The following CSMD3 variants were observed in gnomAD, a reference collection of about 807,000 sequenced individuals.
CSMD3 encodes CUB and Sushi multiple domains 3.
Under a neutral mutation model 435.2 loss-of-function variants are expected in CSMD3, and 177 were observed. That is an observed-to-expected ratio of 0.41 (90% CI 0.36 to 0.46). The LOEUF (loss-of-function observed/expected upper bound fraction) is 0.46. Ranked by LOEUF, CSMD3 falls within the 20% of genes least tolerant of loss-of-function variation. The pLI, the probability that CSMD3 is intolerant of heterozygous loss-of-function variation, is 0.34. For synonymous variants in CSMD3, 1,656 were observed against 1,520.5 expected, an observed-to-expected ratio of 1.09 and a Z score of -2.07; for missense variants, 4,265 against 4,504.6, an observed-to-expected ratio of 0.95 and a Z score of 1.52.
intron 5 of CSMD3, among the ~76,000 whole-genome samples, chr8:113,075,194 G>A (rs768501279): frequency 1.5e-4 from 23 of 151,494 alleles, no homozygotes; most frequent in Admixed American, 4.6e-4. Flanking sequence ...TAGAAATCTC[G>A]TATTAAAAAC....
At chr8:112,646,335 CAT>C (rs1258010829) in intron 19 of CSMD3, among the ~76,000 whole-genome samples, 11 of 152,132 alleles carry the variant, frequency 7.2e-5, no homozygotes, top group Admixed American at 3.3e-4. Context: ...GGACACCAGA[CAT>C]GTGCTCCTGA....
At chr8:112,963,946 G>C (rs2084325999) in intron 7 of CSMD3, among the ~76,000 whole-genome samples, 1 of 151,692 alleles carries the variant, frequency 6.6e-6, no homozygotes, top group Non-Finnish European at 1.5e-5. Context: ...AAATAAATTT[G>C]TTCACATTTA....
At chr8:112,232,589 A>C (rs1813193299) in intron 68 of CSMD3, among the ~76,000 whole-genome samples, 1 of 152,172 alleles carries the variant, frequency 6.6e-6, no homozygotes, top group Admixed American at 6.5e-5. Context: ...AGCCTGGGCA[A>C]CAGAGTGAGA....
Position 112,237,297 on chromosome 8 carries a change from A to G in CSMD3, c.10520T>C (p.Phe3507Ser), listed in dbSNP as rs774419933. Residue 3507 changes from phenylalanine (F) to serine (S), a missense_variant, in exon 67 of 71, where the codon TTC becomes TCC. Around this residue, in one of 3 missense-constraint regions of CSMD3, gnomAD observed 3,255 missense variants for 3,380.2 expected, o/e 0.96. Coordinates refer to ENST00000297405, the MANE Select transcript of CSMD3 (RefSeq NM_198123.2). ...QNYIWKGSYNFKGRKQPMTLT... is the reference protein window; with the variant it reads ...QNYIWKGSYNSKGRKQPMTLT... Reference sequence around the variant, plus strand: ...GGTCATGGGTTGTTTCCTTCCTTTGAAATTGTAAGAGCCTTTCCATATATA... The same window carrying G: ...GGTCATGGGTTGTTTCCTTCCTTTGGAATTGTAAGAGCCTTTCCATATATA... The G allele has an allele frequency of 5.0e-6, 8 of 1,613,180 alleles. No individual in the cohort carries two copies. The East Asian group carries it at 1.6e-4, about 32-fold the overall frequency.
chr8:112,560,275 A>C (rs2131244144), intron 24 of CSMD3, among the ~76,000 whole-genome samples: 1 of 151,780 alleles, frequency 6.6e-6, no homozygotes, highest in East Asian at 1.9e-4. Flanking sequence ...TCCTCTGTTA[A>C]ATCATAGAAT....
chr8:112,529,463 T>C (rs1042112782), intron 27 of CSMD3, among the ~76,000 whole-genome samples: 5 of 152,104 alleles, frequency 3.3e-5, no homozygotes, highest in African/African-American at 1.2e-4. Context: ...GGTGCATGTC[T>C]GTAGTCTCAG....
chr8:113,038,632 C>T (rs1219373341), intron 5 of CSMD3, among the ~76,000 whole-genome samples: 1 of 152,150 alleles, frequency 6.6e-6, no homozygotes, highest in East Asian at 1.9e-4. Context: ...TGAGTGTGTG[C>T]TTTCTGGCAG....
chr8:112,678,998 G>GAAAAAAAAAATATAGACTGTCT (rs1188274511), intron 16 of CSMD3, among the ~76,000 whole-genome samples: 1 of 150,894 alleles, frequency 6.6e-6, no homozygotes, highest in African/African-American at 2.4e-5. Context: ...GAAAAAAGGA[G>GAAAAAAAAAATATAGACTGTCT]ACAGGAGGAG....
chr8:112,350,891 A>C (rs966324071), intron 40 of CSMD3, among the ~76,000 whole-genome samples: 4 of 152,100 alleles, frequency 2.6e-5, no homozygotes, highest in Non-Finnish European at 5.9e-5. Context: ...AAACTCTCTA[A>C]GAATTTTTTT....
intron 6 of CSMD3, among the ~76,000 whole-genome samples, chr8:112,980,302 TA>T (rs1346563665): frequency 2.0e-5 from 3 of 151,034 alleles, no homozygotes; most frequent in African/African-American, 7.2e-5. Context: ...CATGTAAAAA[TA>T]ACTACATATT....
intron 27 of CSMD3, among the ~76,000 whole-genome samples, chr8:112,543,234 C>T (rs1043988530): frequency 3.3e-5 from 5 of 151,876 alleles, no homozygotes; most frequent in East Asian, 1.9e-4. Context: ...GCATAGGTGA[C>T]GAAAGCAAAA....
chr8:113,157,430 A>T (rs1475125725), intron 4 of CSMD3, among the ~76,000 whole-genome samples: 2 of 133,142 alleles, frequency 1.5e-5, no homozygotes, highest in Non-Finnish European at 3.6e-5. Flanking sequence ...AAATCTCATA[A>T]CAGTCTCCTT....
intron 10 of CSMD3, among the ~76,000 whole-genome samples, chr8:112,904,824 T>A (rs1259724486): frequency 1.3e-5 from 2 of 151,200 alleles, no homozygotes; most frequent in Non-Finnish European, 3.0e-5. Flanking sequence ...ACATTAAAGA[T>A]TTGGGACAAG....
At chr8:113,370,524 T>C (rs1376775258) in intron 1 of CSMD3, among the ~76,000 whole-genome samples, 1 of 151,900 alleles carries the variant, frequency 6.6e-6, no homozygotes, top group East Asian at 1.9e-4. Context: ...ATTGAATGCA[T>C]GTATAAATTT....
chr8:113,195,699 TAG>T (rs1478775318), intron 3 of CSMD3, among the ~76,000 whole-genome samples: 1 of 149,360 alleles, frequency 6.7e-6, no homozygotes, highest in Non-Finnish European at 1.5e-5. Flanking sequence ...CATAAATATA[TAG>T]ATAGGTATTT....
At chr8:113,038,352 C>T (rs1286047950) in intron 5 of CSMD3, among the ~76,000 whole-genome samples, 1 of 151,962 alleles carries the variant, frequency 6.6e-6, no homozygotes, top group Non-Finnish European at 1.5e-5. Flanking sequence ...AGCTAAGAAA[C>T]CATTCATTGA....
chr8:112,562,453 A>G (rs1001627221), intron 24 of CSMD3, among the ~76,000 whole-genome samples: 1 of 151,598 alleles, frequency 6.6e-6, no homozygotes. Flanking sequence ...GTCAATGAAG[A>G]TATGTTAGTT....
chr8:112,321,523 T>C (rs1203489099), intron 45 of CSMD3, among the ~76,000 whole-genome samples: 1 of 152,112 alleles, frequency 6.6e-6, no homozygotes. Context: ...GAACAAAAAC[T>C]TGTGCAAAGC....
intron 10 of CSMD3, among the ~76,000 whole-genome samples, chr8:112,863,393 T>C (rs927535781): frequency 1.3e-5 from 2 of 151,854 alleles, no homozygotes; most frequent in African/African-American, 4.8e-5. Flanking sequence ...GTAAATTCTA[T>C]ATTATTCGTC....
Sources: allele counts gnomAD v4.1 joint callset (sites outside exome capture counted in the v4.1 genomes callset), GRCh38; gene constraint gnomAD v4.1.1; regional missense constraint gnomAD v4.1.1; transcripts MANE v1.5; gene names NCBI Gene and HGNC (gene_info 2026-07-23, HGNC 2026-07-21).